The following IL1RAPL1 variants were observed in gnomAD, a reference collection of about 807,000 sequenced individuals.
IL1RAPL1 encodes the protein interleukin-1 receptor accessory protein-like 1.
Under a neutral mutation model 48.4 loss-of-function variants are expected in IL1RAPL1, and 3 were observed. That is an observed-to-expected ratio of 0.06 (90% CI 0.03 to 0.16). The LOEUF is 0.16. IL1RAPL1 is among the 10% of genes least tolerant of loss of function. The pLI, the probability that IL1RAPL1 is intolerant of heterozygous loss-of-function variation, is 1.00. For synonymous variants in IL1RAPL1, 185 were observed against 187.7 expected (o/e 0.99, Z 0.12); for missense variants, 349 against 530.6 (o/e 0.66, Z 3.36).
At chrX:28,613,922 C>T (rs772723297) in intron 1 of IL1RAPL1, among the ~76,000 whole-genome samples, 14 of 112,065 alleles carry the variant, frequency 1.2e-4, no homozygotes, top group Non-Finnish European at 2.4e-4. Context: ...CACAGAACAT[C>T]ACAGAAGCAT....
intron 2 of IL1RAPL1, among the ~76,000 whole-genome samples, chrX:28,987,539 C>CA (rs761105605): frequency 1.0e-3 from 116 of 111,627 alleles, no homozygotes; most frequent in Non-Finnish European, 1.7e-3. Flanking sequence ...CACACACTTG[C>CA]ATTTCTTTAC....
At chrX:28,696,134 A>G (rs769850288) in intron 1 of IL1RAPL1, among the ~76,000 whole-genome samples, 1 of 111,324 alleles carries the variant, frequency 9.0e-6, no homozygotes, top group African/African-American at 3.3e-5. Context: ...AACTTGAATC[A>G]TAATATTCTA....
At chrX:29,261,359 A>C (rs1234984419) in intron 2 of IL1RAPL1, among the ~76,000 whole-genome samples, 1 of 111,302 alleles carries the variant, frequency 9.0e-6, no homozygotes, top group Non-Finnish European at 1.9e-5. Flanking sequence ...GCTCTTTATA[A>C]ATGTTTTTAA....
At chrX:29,539,424 G>A (rs1031092520) in intron 5 of IL1RAPL1, among the ~76,000 whole-genome samples, 6 of 111,405 alleles carry the variant, frequency 5.4e-5, no homozygotes, top group African/African-American at 2.0e-4. Context: ...AATACTATGA[G>A]GGTCAAAAAT....
intron 1 of IL1RAPL1, among the ~76,000 whole-genome samples, chrX:28,772,342 A>G (rs1449252526): frequency 1.8e-5 from 2 of 111,772 alleles, no homozygotes; most frequent in African/African-American, 6.5e-5. Context: ...CTTAAAGCCC[A>G]TAGTTTTCTC....
chrX:28,661,305 A>G (rs766951555), intron 1 of IL1RAPL1, among the ~76,000 whole-genome samples: 5 of 112,216 alleles, frequency 4.5e-5, no homozygotes, highest in African/African-American at 1.6e-4. Flanking sequence ...CTCATTAAAA[A>G]GAAAATAGAA....
intron 5 of IL1RAPL1, among the ~76,000 whole-genome samples, chrX:29,451,492 G>A (rs894833091): frequency 2.7e-5 from 3 of 111,640 alleles, no homozygotes. Flanking sequence ...ATCACACCAG[G>A]CCTACAGTAA....
At chrX:29,608,195 G>C in intron 5 of IL1RAPL1, among the ~76,000 whole-genome samples, 1 of 111,381 alleles carries the variant, frequency 9.0e-6, no homozygotes, top group East Asian at 2.8e-4. Flanking sequence ...TCTTTAACAA[G>C]TTAGCCTGGA....
In IL1RAPL1 at chrX:29,635,816, A is replaced by T. The variant is rs754756728; in HGVS notation, c.704-32614A>T. ...TCCGGAAAAAAAAAAAAACCCAAAA[A>T]CTAAAGATCTCTAAACAACTTGCTA... is the stretch of plus-strand genomic sequence containing the variant. On this transcript the variant is annotated intron_variant, in intron 5 of 10. Coordinates refer to ENST00000378993, the MANE Select transcript of IL1RAPL1 (RefSeq NM_014271.4). Among the ~76,000 whole-genome samples the T allele has an allele frequency of 1.7e-4, 19 of 109,725 alleles. No homozygotes were observed. The Middle Eastern group carries it at 0.029, about 167-fold the overall frequency.
chrX:29,315,453 C>G (rs1160556564), intron 3 of IL1RAPL1, among the ~76,000 whole-genome samples: 1 of 111,345 alleles, frequency 9.0e-6, no homozygotes, highest in Non-Finnish European at 1.9e-5. Context: ...TTGCTCAAAC[C>G]TTCCGAAGAT....
intron 2 of IL1RAPL1, among the ~76,000 whole-genome samples, chrX:28,847,626 C>A (rs1358273176): frequency 2.7e-5 from 3 of 110,579 alleles, no homozygotes; most frequent in Non-Finnish European, 5.7e-5. Flanking sequence ...TCAGACACAC[C>A]CCCTCCCACG....
intron 2 of IL1RAPL1, among the ~76,000 whole-genome samples, chrX:29,023,255 C>T (rs145671568): frequency 0.011 from 1,272 of 112,501 alleles, 46 homozygotes; most frequent in Admixed American, 0.11. Flanking sequence ...TTTATTCCAT[C>T]TTTCTCCCTC....
chrX:29,237,338 C>T (rs1333904771), intron 2 of IL1RAPL1, among the ~76,000 whole-genome samples: 1 of 111,602 alleles, frequency 9.0e-6, no homozygotes, highest in Non-Finnish European at 1.9e-5. Flanking sequence ...AATTAGATAC[C>T]GCACCCAATC....
intron 2 of IL1RAPL1, among the ~76,000 whole-genome samples, chrX:29,137,108 C>T (rs910265536): frequency 2.8e-5 from 3 of 108,493 alleles, no homozygotes; most frequent in Admixed American, 1.0e-4. Context: ...CTATTTTAGA[C>T]GGCTTACTGC....
intron 4 of IL1RAPL1, 112 bp downstream of exon 4, chrX:29,396,556 TC>T (rs1433172633): frequency 1.3e-5 from 9 of 680,790 alleles, no homozygotes; most frequent in Non-Finnish European, 2.1e-5. Flanking sequence ...GCTTTGCCTT[TC>T]TAGAATAATA....
At chrX:29,217,038 T>C (rs769099781) in intron 2 of IL1RAPL1, among the ~76,000 whole-genome samples, 1 of 111,592 alleles carries the variant, frequency 9.0e-6, no homozygotes, top group African/African-American at 3.3e-5. Flanking sequence ...TGGTCACTTT[T>C]ACCTAATTAA....
At chrX:29,703,173 G>A (rs186620284) in intron 6 of IL1RAPL1, among the ~76,000 whole-genome samples, 2 of 110,881 alleles carry the variant, frequency 1.8e-5, no homozygotes, top group East Asian at 2.8e-4. Flanking sequence ...TTATATATAC[G>A]CACTGTGTTC....
At chrX:28,923,922 A>T (rs1434087566) in intron 2 of IL1RAPL1, 1 of 111,927 alleles carries the variant, frequency 8.9e-6, no homozygotes, top group Non-Finnish European at 1.9e-5. Context: ...TATTAAAATA[A>T]AACTTTTAAT....
intron 2 of IL1RAPL1, among the ~76,000 whole-genome samples, chrX:29,241,091 T>C (rs1016425646): frequency 2.7e-5 from 3 of 112,446 alleles, no homozygotes; most frequent in Admixed American, 9.4e-5. Context: ...TTATGTGCAG[T>C]ACAGGAACAT....
Sources: gnomAD v4.1 joint callset for allele counts (sites outside exome capture counted in the v4.1 genomes callset) on GRCh38, gnomAD v4.1.1 for gene constraint, MANE v1.5 for transcripts, NCBI Gene and HGNC (gene_info 2026-07-23, HGNC 2026-07-21) for gene names.